Variants in TBC1D14 observed in about 807,000 individuals in gnomAD.
TBC1D14 encodes the protein TBC1 domain family, member 14.
In TBC1D14, 26 loss-of-function variants were observed where a neutral mutation model predicts 79.0. The ratio of observed to expected loss-of-function variants is 0.33; its 90% confidence interval spans 0.24 to 0.46. TBC1D14 has a LOEUF of 0.46. TBC1D14 is among the 20% of genes least tolerant of loss of function. The pLI, the probability that TBC1D14 is intolerant of heterozygous loss-of-function variation, is 1.00. For synonymous variants in TBC1D14, 394 were observed against 349.9 expected (o/e 1.13, Z -1.40); for missense variants, 769 against 887.6 (o/e 0.87, Z 1.70).
intron 3 of TBC1D14, among the ~76,000 whole-genome samples, chr4:6,980,431 A>G (rs1187332868): frequency 1.3e-5 from 2 of 152,216 alleles, no homozygotes; most frequent in Admixed American, 6.5e-5. Context: ...TAGAAAAGAA[A>G]AAAGGTCTCA....
chr4:6,958,374 T>TATACACAC (rs1472076969), intron 2 of TBC1D14, among the ~76,000 whole-genome samples: 1 of 42,252 alleles, frequency 2.4e-5, no homozygotes, highest in African/African-American at 1.2e-4. Flanking sequence ...GATCCCCACA[T>TATACACAC]ATACACACAC....
intron 2 of TBC1D14, among the ~76,000 whole-genome samples, chr4:6,941,834 AG>A (rs756929045): frequency 7.9e-5 from 12 of 152,212 alleles, no homozygotes; most frequent in Non-Finnish European, 1.6e-4. Flanking sequence ...CTCAGGAAAC[AG>A]TACGCCCATC....
chr4:6,987,346 C>A, intron 3 of TBC1D14: 1 of 1,425,874 alleles, frequency 7.0e-7, no homozygotes, highest in Non-Finnish European at 9.2e-7. Flanking sequence ...CCCCGGCGTT[C>A]ATGGTGAGTC....
intron 7 of TBC1D14, among the ~76,000 whole-genome samples, chr4:7,003,972 C>A (rs922490952): frequency 6.6e-6 from 1 of 152,044 alleles, no homozygotes; most frequent in Non-Finnish European, 1.5e-5. Flanking sequence ...CGCCACTGCA[C>A]TCTCCAGCCT....
chr4:6,987,280 G>A, intron 3 of TBC1D14: 1 of 1,338,410 alleles, frequency 7.5e-7, no homozygotes, highest in Non-Finnish European at 9.6e-7. Flanking sequence ...GAGGGAGGGA[G>A]GGAGGCCGGC....
intron 3 of TBC1D14, among the ~76,000 whole-genome samples, chr4:6,982,864 G>A (rs1215957487): frequency 6.6e-6 from 1 of 152,216 alleles, no homozygotes; most frequent in Non-Finnish European, 1.5e-5. Flanking sequence ...CCTCATAAAT[G>A]CAGAGACCAT....
intron 3 of TBC1D14, among the ~76,000 whole-genome samples, chr4:6,991,250 G>A (rs567669574): frequency 1.8e-4 from 27 of 152,326 alleles, no homozygotes; most frequent in African/African-American, 6.5e-4. Context: ...TTTCGGTCAC[G>A]GTTGTGAAAA....
chr4:6,979,364 C>G (rs749626245), intron 3 of TBC1D14, among the ~76,000 whole-genome samples: 8 of 152,156 alleles, frequency 5.3e-5, no homozygotes, highest in Non-Finnish European at 7.3e-5. Flanking sequence ...TGTTGGCTTG[C>G]ACCTGTAATC....
At chr4:6,978,127 G>GC (rs1159392288) in intron 3 of TBC1D14, among the ~76,000 whole-genome samples, 2 of 148,732 alleles carry the variant, frequency 1.3e-5, no homozygotes, top group Admixed American at 6.7e-5. Flanking sequence ...GGGGGGGTCA[G>GC]CCCCCCGCCC....
rs539989568 is a variant in TBC1D14, at chr4:7,013,414, C to T, written c.1648-1034C>T. 5.9e-5 allele frequency among the ~76,000 whole-genome samples: 9 copies of T among 152,362 alleles called. No individual in the cohort carries two copies. The South Asian group carries it at 1.9e-3, about 32-fold the overall frequency. On this transcript the variant is annotated intron_variant, in intron 11 of 13. Coordinates refer to ENST00000409757, the MANE Select transcript of TBC1D14 (RefSeq NM_020773.3). ...ACCAGAGTCGTGATCTGCCCCCAGG[C>T]GCCCAGCTGGTGAGCACTGGAGCAG...
At position 7,023,233 on chromosome 4, in the gene TBC1D14, G is replaced by T. The variant is rs574338419; in HGVS notation, c.1758-1771G>T. 3.3e-5 allele frequency among the ~76,000 whole-genome samples: 5 copies of T among 152,292 alleles called. No individual in the cohort carries two copies. In the East Asian group the frequency reaches 9.7e-4, roughly 29 times the overall value. On this transcript the variant is annotated intron_variant, in intron 12 of 13. Transcript: ENST00000409757. ...GCACCACTACTGCACTCCAGCCTGG[G>T]CGACAGAGTGAGACTCCGTCTCAAG... is the stretch of plus-strand genomic sequence containing the variant.
chr4:6,977,902 G>T (rs2109084051), intron 3 of TBC1D14, among the ~76,000 whole-genome samples: 1 of 150,778 alleles, frequency 6.6e-6, no homozygotes, highest in South Asian at 2.1e-4. Flanking sequence ...CGCCCCGTCT[G>T]GGATGTGAGG....
intron 9 of TBC1D14, among the ~76,000 whole-genome samples, chr4:7,009,503 C>T (rs1026761151): frequency 5.9e-5 from 9 of 152,236 alleles, no homozygotes; most frequent in East Asian, 1.9e-4. Flanking sequence ...CAGTGGGAGA[C>T]GGCCTGAGTG....
chr4:6,937,772 T>C (rs914619036), intron 2 of TBC1D14, among the ~76,000 whole-genome samples: 2 of 152,002 alleles, frequency 1.3e-5, no homozygotes, highest in African/African-American at 4.8e-5. Context: ...CATTGGGGCA[T>C]GGATTCTCCG....
At chr4:7,011,349 T>G (rs1577167816) in intron 11 of TBC1D14, among the ~76,000 whole-genome samples, 2 of 135,250 alleles carry the variant, frequency 1.5e-5, no homozygotes, top group East Asian at 2.6e-4. Flanking sequence ...CAGTGGGGGG[T>G]AGGGTTTACA....
chr4:6,932,720 C>G (rs567396205), intron 2 of TBC1D14, among the ~76,000 whole-genome samples: 1 of 152,298 alleles, frequency 6.6e-6, no homozygotes, highest in African/African-American at 2.4e-5. Context: ...AACTCCTGGG[C>G]TCAAAAGGTC....
rs369150840 is a variant in TBC1D14 at position 6,994,288 on chromosome 4, C to G, written c.948C>G (p.Leu316=). Residue 316 remains leucine (L), a synonymous_variant, in exon 4 of 14, where the codon CTC becomes CTG. Transcript: ENST00000409757. Reference sequence around the variant, plus strand: ...CACTTTCCACCACCGCACTCATCCTCGAGGACAGACCAGCGTGAGTTTAAG... The same window carrying G: ...CACTTTCCACCACCGCACTCATCCTGGAGGACAGACCAGCGTGAGTTTAAG... ...FEPLSTTALI[L]EDRPANLPAK... is the part of the protein sequence containing the mutation. 1.9e-6 allele frequency: 3 copies of G among 1,614,040 alleles called. No homozygotes were observed. Among genetic ancestry groups the G allele is most frequent in the Non-Finnish European group, 2.5e-6 (3 of 1,179,924 alleles).
intron 1 of TBC1D14, 47 bp from the exon 2 acceptor site, chr4:6,923,325 CT>C: frequency 6.5e-7 from 1 of 1,538,822 alleles, no homozygotes. Flanking sequence ...GGTGTGGCAT[CT>C]TTGAATTTTA....
At chr4:7,027,871 G>A (rs28712846) in intron 13 of TBC1D14, among the ~76,000 whole-genome samples, 1 of 106,286 alleles carries the variant, frequency 9.4e-6, no homozygotes, top group African/African-American at 3.7e-5. Flanking sequence ...TCACCCCCAT[G>A]CACACACATT....
Sources: gnomAD v4.1 joint callset for allele counts (sites outside exome capture counted in the v4.1 genomes callset) on GRCh38, gnomAD v4.1.1 for gene constraint, MANE v1.5 for transcripts, NCBI Gene and HGNC (gene_info 2026-07-23, HGNC 2026-07-21) for gene names.